PRKN: variants seen among roughly 807,000 people sequenced by gnomAD.
PRKN encodes the protein parkin RBR E3 ubiquitin protein ligase, also known as E3 ubiquitin-protein ligase parkin.
PRKN carries 56 observed loss-of-function variants against 59.5 expected under a neutral mutation model. The observed-to-expected ratio is 0.94, with a 90% confidence interval of 0.76 to 1.18. The LOEUF is 1.18. Among genes scored for constraint, PRKN ranks in the 50% most tolerant of loss-of-function variants. The probability of loss-of-function intolerance (pLI) is 0.00; values close to 1 mark genes in which losing one functional copy is unlikely to be tolerated. For synonymous variants in PRKN, 250 were observed against 222.1 expected, an observed-to-expected ratio of 1.13 and a Z score of -1.12; for missense variants, 657 against 596.4, an observed-to-expected ratio of 1.10 and a Z score of -1.06.
chr6:162,414,368 C>T (rs1328043158), intron 2 of PRKN, among the ~76,000 whole-genome samples: 4 of 151,934 alleles, frequency 2.6e-5, no homozygotes, highest in Non-Finnish European at 5.9e-5. Context: ...GCTGTTAGGA[C>T]AAGGCATCAT....
intron 6 of PRKN, among the ~76,000 whole-genome samples, chr6:161,958,411 G>A (rs965135636): frequency 2.0e-5 from 3 of 152,132 alleles, no homozygotes; most frequent in African/African-American, 7.2e-5. Context: ...AATGTTTTAT[G>A]TTGTTGCTAT....
chr6:161,607,959 C>G (rs1782344176), intron 7 of PRKN, among the ~76,000 whole-genome samples: 1 of 152,142 alleles, frequency 6.6e-6, no homozygotes, highest in Non-Finnish European at 1.5e-5. Context: ...GAACAGAATG[C>G]CTTCAACATT....
intron 2 of PRKN, among the ~76,000 whole-genome samples, chr6:162,399,676 G>A (rs1179735618): frequency 6.6e-6 from 1 of 151,878 alleles, no homozygotes; most frequent in Non-Finnish European, 1.5e-5. Context: ...ATTCTAGTAA[G>A]AAATGAAAAC....
intron 7 of PRKN, among the ~76,000 whole-genome samples, chr6:161,768,286 T>G (rs749219757): frequency 6.6e-6 from 1 of 152,166 alleles, no homozygotes; most frequent in African/African-American, 2.4e-5. Context: ...GCATCACATA[T>G]AGTAGGAAAG....
chr6:161,495,535 A>G (rs1163850673), intron 9 of PRKN, among the ~76,000 whole-genome samples: 1 of 152,206 alleles, frequency 6.6e-6, no homozygotes, highest in Non-Finnish European at 1.5e-5. Context: ...TTTCTGGGTT[A>G]CGCCCTTAAA....
At chr6:162,612,193 A>AC in intron 1 of PRKN, among the ~76,000 whole-genome samples, 2 of 4,706 alleles carry the variant, frequency 4.2e-4, no homozygotes, top group Non-Finnish European at 1.0e-3. Flanking sequence ...ACTCCATCTC[A>AC]AAAAAAAAAA....
chr6:162,379,906 G>A (rs903812202), intron 2 of PRKN, among the ~76,000 whole-genome samples: 2 of 152,116 alleles, frequency 1.3e-5, no homozygotes, highest in African/African-American at 2.4e-5. Flanking sequence ...CCGGCAGAGA[G>A]GTTGAATTCC....
chr6:161,989,753 T>C (rs531086761), intron 5 of PRKN, among the ~76,000 whole-genome samples: 113 of 152,182 alleles, frequency 7.4e-4, no homozygotes, highest in African/African-American at 2.6e-3. Flanking sequence ...ATGAGCACCT[T>C]CCAGGGCCCT....
chr6:161,527,226 A>G lies in PRKN; in HGVS notation c.1083+21628T>C, dbSNP rs965984654. Among the ~76,000 whole-genome samples the G allele has an allele frequency of 1.3e-5, 2 of 152,164 alleles. No homozygotes were observed. The highest frequency in any genetic ancestry group is 4.8e-5 in the African/African-American group (2 of 41,430). ...ATTCAGAGGCACTTCTGTGTCTGCA[A>G]CTTCTCAGAATAACCAGCTCAAAAT... On this transcript the variant is annotated intron_variant, in intron 9 of 11. Transcript: ENST00000366898. The surrounding 1 kb of genome is among the most constrained non-coding windows in gnomAD (Gnocchi z 4.6).
chr6:161,891,553 C>T (rs1795344344), intron 6 of PRKN, among the ~76,000 whole-genome samples: 1 of 152,154 alleles, frequency 6.6e-6, no homozygotes. Context: ...TCAGAAACTA[C>T]AGCAAGTTTG....
At position 162,056,717 on chromosome 6, in the gene PRKN, C is replaced by A. The variant is rs143267339; in HGVS notation, c.535-2543G>T. Among the ~76,000 whole-genome samples the A allele has an allele frequency of 4.2e-3, 636 of 152,262 alleles. 2 individuals are homozygous for A. The highest frequency in any genetic ancestry group is 6.6e-3 in the Non-Finnish European group (446 of 68,006). Reference sequence around the variant, plus strand: ...TGGTGTGCAGAGCCTGAACTGTCTGCACAAACCATGGCTATGCACAACATC... The same window carrying A: ...TGGTGTGCAGAGCCTGAACTGTCTGAACAAACCATGGCTATGCACAACATC... On this transcript the variant is annotated intron_variant, in intron 4 of 11. Transcript: ENST00000366898. The surrounding 1 kb of genome is among the most constrained non-coding windows in gnomAD (Gnocchi z 4.9).
intron 10 of PRKN, among the ~76,000 whole-genome samples, chr6:161,374,738 G>GGT (rs531395740): frequency 3.9e-4 from 59 of 151,500 alleles, no homozygotes; most frequent in South Asian, 1.3e-3. Context: ...ACATATGTGT[G>GGT]GTGTGTGTGT....
At chr6:161,738,517 A>G (rs1024873994) in intron 7 of PRKN, among the ~76,000 whole-genome samples, 8 of 152,228 alleles carry the variant, frequency 5.3e-5, no homozygotes, top group African/African-American at 1.9e-4. Context: ...TAACATAGCA[A>G]AGGGTAAAAT....
intron 2 of PRKN, among the ~76,000 whole-genome samples, chr6:162,367,347 C>G (rs1369355596): frequency 1.3e-5 from 2 of 152,058 alleles, no homozygotes; most frequent in African/African-American, 4.8e-5. Flanking sequence ...TGAGGACAGG[C>G]TAATACACTG....
intron 1 of PRKN, among the ~76,000 whole-genome samples, chr6:162,570,520 G>A (rs978635885): frequency 3.5e-4 from 54 of 152,338 alleles, no homozygotes; most frequent in African/African-American, 1.2e-3. Flanking sequence ...GCACTCCTAT[G>A]TTTGCTAAAG....
At chr6:162,390,398 C>T (rs199723225) in intron 2 of PRKN, among the ~76,000 whole-genome samples, 5,688 of 74,162 alleles carry the variant, frequency 0.077, 341 homozygotes, top group African/African-American at 0.24. Flanking sequence ...TATATATATA[C>T]ACACACACAC....
chr6:161,656,907 A>C (rs113441596), intron 7 of PRKN, among the ~76,000 whole-genome samples: 2 of 152,322 alleles, frequency 1.3e-5, no homozygotes, highest in African/African-American at 4.8e-5. Flanking sequence ...TTTAGGGTCA[A>C]ATAAAACACA....
chr6:162,148,714 T>C (rs1782133885), intron 4 of PRKN, among the ~76,000 whole-genome samples: 1 of 152,188 alleles, frequency 6.6e-6, no homozygotes, highest in African/African-American at 2.4e-5. Context: ...AATATATTTT[T>C]AGTCTTCCCT....
chr6:162,304,826 G>A (rs146701725), intron 2 of PRKN, among the ~76,000 whole-genome samples: 1 of 136,052 alleles, frequency 7.4e-6, no homozygotes, highest in Admixed American at 7.0e-5. Flanking sequence ...GCTGCTGCCA[G>A]ATGTGAGTGC....
Sources: allele counts gnomAD v4.1 joint callset (sites outside exome capture counted in the v4.1 genomes callset), GRCh38; gene constraint gnomAD v4.1.1; non-coding constraint Gnocchi (gnomAD v3.1); transcripts MANE v1.5; gene names NCBI Gene and HGNC (gene_info 2026-07-23, HGNC 2026-07-21).